Variants in ZNF536 observed in about 807,000 individuals in gnomAD.
The protein encoded by ZNF536 is zinc finger protein 536.
Under a neutral mutation model 84.5 loss-of-function variants are expected in ZNF536, and 13 were observed. That is an observed-to-expected ratio of 0.15 (90% CI 0.10 to 0.24). ZNF536 has a LOEUF of 0.24. ZNF536 is among the 10% of genes least tolerant of loss of function. ZNF536 has a pLI of 1.00. For synonymous variants in ZNF536, 811 were observed against 742.5 expected, an observed-to-expected ratio of 1.09 and a Z score of -1.50; for missense variants, 1,536 against 1,747.5, an observed-to-expected ratio of 0.88 and a Z score of 2.16.
chr19:30,571,760 T>C (rs1465070601), intron 1 of ZNF536, among the ~76,000 whole-genome samples: 1 of 152,150 alleles, frequency 6.6e-6, no homozygotes, highest in East Asian at 1.9e-4. Flanking sequence ...GCATCTCTGG[T>C]GCCTTGTTAG....
At chr19:30,345,303 G>A (rs1185832489) in intron 2 of ZNF536, among the ~76,000 whole-genome samples, 1 of 152,222 alleles carries the variant, frequency 6.6e-6, no homozygotes, top group Non-Finnish European at 1.5e-5. Flanking sequence ...CCTGTGAGAA[G>A]ACTCCAGGTT....
chr19:30,253,130 C>T (rs2024709622), intron 1 of ZNF536, among the ~76,000 whole-genome samples: 1 of 152,178 alleles, frequency 6.6e-6, no homozygotes, highest in Admixed American at 6.5e-5. Context: ...AGATTATCAG[C>T]CTCCTAACCG....
chr19:30,443,194 G>A (rs192130590), intron 1 of ZNF536, among the ~76,000 whole-genome samples: 1 of 152,070 alleles, frequency 6.6e-6, no homozygotes, highest in East Asian at 1.9e-4. Context: ...AACTTTGGAC[G>A]GAACCAACAG....
At chr19:30,258,481 T>A (rs1294386665) in intron 1 of ZNF536, among the ~76,000 whole-genome samples, 1 of 152,212 alleles carries the variant, frequency 6.6e-6, no homozygotes, top group Non-Finnish European at 1.5e-5. Flanking sequence ...GTTTCATAGA[T>A]AGTTGAACAT....
At chr19:30,436,495 C>G in intron 1 of ZNF536, 1 of 984,486 alleles carries the variant, frequency 1.0e-6, no homozygotes, top group Non-Finnish European at 1.2e-6. Flanking sequence ...TGCACTTGCT[C>G]AGCATAGCAA....
intron 1 of ZNF536, among the ~76,000 whole-genome samples, chr19:30,599,471 C>CCTCCTTCCTTCCTTCT (rs2047601767): frequency 2.1e-5 from 1 of 47,346 alleles, no homozygotes; most frequent in Non-Finnish European, 3.6e-5. Context: ...TCCCTCCCTC[C>CCTCCTTCCTTCCTTCT]TTCCTTCCTT....
At chr19:30,432,042 C>A (rs1197769188) in intron 1 of ZNF536, among the ~76,000 whole-genome samples, 1 of 150,732 alleles carries the variant, frequency 6.6e-6, no homozygotes, top group Non-Finnish European at 1.5e-5. Flanking sequence ...CACAGGCACG[C>A]ACAGAGAGAG....
intron 1 of ZNF536, among the ~76,000 whole-genome samples, chr19:30,426,464 GTTC>G (rs748741964): frequency 1.3e-5 from 2 of 152,170 alleles, no homozygotes; most frequent in African/African-American, 4.8e-5. Flanking sequence ...TTCCATCTTT[GTTC>G]TTCTTGCTTG....
intron 1 of ZNF536, among the ~76,000 whole-genome samples, chr19:30,708,998 G>C (rs2052355426): frequency 6.6e-6 from 1 of 152,160 alleles, no homozygotes; most frequent in Non-Finnish European, 1.5e-5. Flanking sequence ...AGTGCTGGGT[G>C]AAACAGCACA....
chr19:30,269,847 A>G (rs995705986), intron 1 of ZNF536, among the ~76,000 whole-genome samples: 1 of 151,982 alleles, frequency 6.6e-6, no homozygotes, highest in Non-Finnish European at 1.5e-5. Context: ...GCTGGCACCC[A>G]TGTTTCACCC....
At chr19:30,346,733 T>G (rs2047754511) in intron 2 of ZNF536, among the ~76,000 whole-genome samples, 1 of 152,250 alleles carries the variant, frequency 6.6e-6, no homozygotes, top group Non-Finnish European at 1.5e-5. Context: ...ATTTTCTTTA[T>G]CCAGTGTACC....
At chr19:30,508,946 A>G (rs1441349722) in intron 2 of ZNF536, among the ~76,000 whole-genome samples, 1 of 143,120 alleles carries the variant, frequency 7.0e-6, no homozygotes, top group Non-Finnish European at 1.5e-5. Context: ...TCCCACCTTA[A>G]CCTCCCAAGT....
intron 1 of ZNF536, among the ~76,000 whole-genome samples, chr19:30,439,236 C>T (rs2051897634): frequency 6.6e-6 from 1 of 152,198 alleles, no homozygotes; most frequent in South Asian, 2.1e-4. Context: ...GCTTTGCATT[C>T]AGCCTCGAAG....
chr19:30,300,156 A>T (rs2046131546), intron 2 of ZNF536, among the ~76,000 whole-genome samples: 1 of 152,138 alleles, frequency 6.6e-6, no homozygotes, highest in South Asian at 2.1e-4. Context: ...AGTTTTCTAA[A>T]TCTTACCATT....
intron 1 of ZNF536, among the ~76,000 whole-genome samples, chr19:30,573,201 G>A (rs374031473): frequency 6.6e-6 from 1 of 152,150 alleles, no homozygotes; most frequent in African/African-American, 2.4e-5. Flanking sequence ...CAAGCTTCTC[G>A]AGGGCCCTGT....
rs930655648 is a variant in ZNF536, at chr19:30,690,726, C to A, written c.170-20031C>A. ...ACCCAGGCACATGACTGTCTTTGCA[C>A]CTCAGTTTTCCCGTCTGTAAAATGG... On this transcript the variant is annotated intron_variant, in intron 1 of 1. Transcript: ENST00000592773. Among the ~76,000 whole-genome samples the A allele has an allele frequency of 7.9e-5, 12 of 152,206 alleles. No individual in the cohort carries two copies. The East Asian group carries it at 2.3e-3, about 29-fold the overall frequency.
intron 1 of ZNF536, among the ~76,000 whole-genome samples, chr19:30,420,824 G>A (rs551868248): frequency 1.3e-5 from 2 of 152,274 alleles, no homozygotes; most frequent in African/African-American, 4.8e-5. Flanking sequence ...CAGAATTATG[G>A]TGCTATTTTC....
chr19:30,545,686 T>C (rs765040220), intron 3 of ZNF536, among the ~76,000 whole-genome samples: 10 of 152,062 alleles, frequency 6.6e-5, no homozygotes, highest in Non-Finnish European at 1.0e-4. Context: ...TGTGAGCCAC[T>C]GCGCTTGGCC....
At position 30,641,406 on chromosome 19, in the gene ZNF536, A is replaced by G. The variant is rs1301726017; in HGVS notation, c.170-69351A>G. ...TTTATGGAATTGTAATCTTGCTGTC[A>G]TATGATTTCTGCATGTCATATACAT... On this transcript the variant is annotated intron_variant, in intron 1 of 1. Transcript: ENST00000592773. Among the ~76,000 whole-genome samples, 7 of 152,204 alleles carry G rather than the reference A, an allele frequency of 4.6e-5. 1 individual carries two copies. Among genetic ancestry groups the G allele is most frequent in the Admixed American group, 3.3e-4 (5 of 15,274 alleles).
Sources: gnomAD v4.1 joint callset for allele counts (sites outside exome capture counted in the v4.1 genomes callset) on GRCh38, gnomAD v4.1.1 for gene constraint, MANE v1.5 for transcripts, NCBI Gene and HGNC (gene_info 2026-07-23, HGNC 2026-07-21) for gene names.